The following PAPOLA variants were observed in gnomAD, a reference collection of about 807,000 sequenced individuals.
PAPOLA encodes the protein poly(A) polymerase alpha, also known as polynucleotide adenylyltransferase alpha.
In PAPOLA, 15 loss-of-function variants were observed where a neutral mutation model predicts 100.6. The observed-to-expected ratio is 0.15, with a 90% CI of 0.10 to 0.23. The LOEUF (loss-of-function observed/expected upper bound fraction) is 0.23. PAPOLA is among the 10% of genes least tolerant of loss of function. The probability of loss-of-function intolerance (pLI) is 1.00; values close to 1 mark genes in which losing one functional copy is unlikely to be tolerated. For missense variants in PAPOLA, 533 were observed against 884.2 expected, an observed-to-expected ratio of 0.60 and a Z score of 5.04; for synonymous variants, 293 against 300.0, an observed-to-expected ratio of 0.98 and a Z score of 0.24.
At chr14:96,553,079 TTTA>T (rs1208802003) in intron 17 of PAPOLA, 2 of 152,698 alleles carry the variant, frequency 1.3e-5, no homozygotes, top group East Asian at 1.9e-4. Flanking sequence ...ATTTTAAAAA[TTTA>T]TTATTATTTT....
chr14:96,527,160 C>T (rs1162681765), intron 4 of PAPOLA: 2 of 419,492 alleles, frequency 4.8e-6, no homozygotes, highest in Non-Finnish European at 8.5e-6. Context: ...TCCCTCTCCA[C>T]CATGAAAGTA....
chr14:96,544,704 G>A (rs1900248591), intron 15 of PAPOLA, among the ~76,000 whole-genome samples: 2 of 151,944 alleles, frequency 1.3e-5, no homozygotes, highest in Admixed American at 1.3e-4. Context: ...AACTTGACTT[G>A]CGCATAATTT....
intron 20 of PAPOLA, among the ~76,000 whole-genome samples, chr14:96,562,019 C>T (rs542625064): frequency 5.9e-5 from 9 of 151,712 alleles, no homozygotes; most frequent in Middle Eastern, 3.2e-3. Context: ...CTCAGCCTCC[C>T]GAGTAGTGGG....
At chr14:96,544,035 T>G in intron 14 of PAPOLA, 114 bp from the exon 15 acceptor site, 1 of 653,022 alleles carries the variant, frequency 1.5e-6, no homozygotes, top group Non-Finnish European at 2.7e-6. Context: ...TTAGAACTTT[T>G]AGTTTGCTCA....
chr14:96,558,618 A>G (rs1901556369), intron 19 of PAPOLA, among the ~76,000 whole-genome samples: 2 of 152,158 alleles, frequency 1.3e-5, no homozygotes, highest in Admixed American at 6.5e-5. Flanking sequence ...GAGTCATTTT[A>G]TGTACCTGTG....
chr14:96,535,558 C>T (rs1899446766), intron 10 of PAPOLA: 6 of 1,013,744 alleles, frequency 5.9e-6, no homozygotes, highest in Non-Finnish European at 5.9e-6. Flanking sequence ...GTATGTGCAT[C>T]CCCATTTCTG....
At chr14:96,520,311 C>T (rs760469998) in intron 2 of PAPOLA, 83 bp downstream of exon 2, 1 of 991,736 alleles carries the variant, frequency 1.0e-6, no homozygotes. Flanking sequence ...TCTCTACTTA[C>T]TTAGAAGACC....
At chr14:96,533,659 A>C (rs1430765364) in intron 9 of PAPOLA, 2 of 428,256 alleles carry the variant, frequency 4.7e-6, no homozygotes, top group African/African-American at 2.6e-5. Context: ...GATTCATGCT[A>C]TTCTCCTGCC....
chr14:96,525,349 AT>A lies in PAPOLA; in HGVS notation c.294del (p.Phe98LeufsTer8). ...TGTAATTGAAAATGTTGGAGGAAAA[AT>A]TTTTACATTTGGATCTTACAGATTA... is the stretch of plus-strand genomic sequence containing the variant. ...QSVIENVGGK[I>X]FTFGSYRLGV... On this transcript the variant is annotated frameshift_variant, in exon 4 of 22. Transcript: ENST00000216277. LOFTEE classifies it high-confidence loss of function. The A allele has an allele frequency of 1.3e-6, 2 of 1,521,416 alleles. No individual in the cohort carries two copies. Among genetic ancestry groups the A allele is most frequent in the Non-Finnish European group, 1.8e-6 (2 of 1,107,894 alleles). The allele number at this position is 1,521,416 out of a possible 1,614,324, so 94.2% of individuals were successfully genotyped here.
chr14:96,513,458 C>G (rs780822915), intron 1 of PAPOLA, among the ~76,000 whole-genome samples: 2 of 152,100 alleles, frequency 1.3e-5, no homozygotes, highest in Admixed American at 6.6e-5. Flanking sequence ...CAGTTTGAAC[C>G]TTCTGTCCTA....
chr14:96,506,306 A>G (rs1161453736), intron 1 of PAPOLA, among the ~76,000 whole-genome samples: 1 of 152,194 alleles, frequency 6.6e-6, no homozygotes, highest in East Asian at 1.9e-4. Flanking sequence ...TTGTTTATTT[A>G]ATGTACTGTG....
chr14:96,542,445 G>A, intron 13 of PAPOLA, 149 bp downstream of exon 13: 2 of 584,206 alleles, frequency 3.4e-6, no homozygotes, highest in Non-Finnish European at 6.1e-6. Context: ...TGTAGTGGAA[G>A]TACAGAAATC....
At chr14:96,539,690 TG>T (rs1405578278) in intron 12 of PAPOLA, among the ~76,000 whole-genome samples, 1 of 152,138 alleles carries the variant, frequency 6.6e-6, no homozygotes, top group East Asian at 1.9e-4. Flanking sequence ...GTTTTAAACA[TG>T]GCACTTGTAA....
intron 12 of PAPOLA, among the ~76,000 whole-genome samples, chr14:96,541,573 A>T (rs1899994485): frequency 6.6e-6 from 1 of 152,184 alleles, no homozygotes; most frequent in African/African-American, 2.4e-5. Flanking sequence ...TTATTTGATC[A>T]TGATGCTATT....
At chr14:96,523,652 A>G (rs961850263) in intron 3 of PAPOLA, among the ~76,000 whole-genome samples, 1 of 152,228 alleles carries the variant, frequency 6.6e-6, no homozygotes, top group African/African-American at 2.4e-5. Flanking sequence ...CTTTTAAGAA[A>G]TACAACATTA....
At chr14:96,558,312 C>T (rs1260069444) in intron 19 of PAPOLA, among the ~76,000 whole-genome samples, 9 of 152,166 alleles carry the variant, frequency 5.9e-5, no homozygotes, top group Non-Finnish European at 1.2e-4. Flanking sequence ...GTGTCAATTA[C>T]ACATTCAGAC....
In PAPOLA at chr14:96,542,259, C is replaced by G. The variant is rs1341314910; in HGVS notation, c.1132C>G (p.Leu378Val). The change falls in exon 13 of 22, where the codon CTA (leucine) becomes GTA (valine). Residue 378 changes from leucine to valine, a missense_variant. Physicochemically the swap from Leu to Val is conservative, Grantham distance 32 (BLOSUM62 1). Coordinates refer to ENST00000216277, the MANE Select transcript of PAPOLA (RefSeq NM_032632.5). ...TCTTCAAAGGCATTATATTGTACTT[C>G]TAGCAAGTGCACCAACAGAAAAACA... ...FQKYKHYIVL[L>V]ASAPTEKQRL... is the part of the protein sequence containing the mutation. 1 of 1,597,708 alleles carries G rather than the reference C, an allele frequency of 6.3e-7. No individual in the cohort carries two copies. Among genetic ancestry groups the G allele is most frequent in the South Asian group, 1.1e-5 (1 of 90,658 alleles).
intron 1 of PAPOLA, among the ~76,000 whole-genome samples, chr14:96,518,830 G>A (rs1470954756): frequency 1.3e-5 from 2 of 152,018 alleles, no homozygotes; most frequent in East Asian, 4.0e-4. Context: ...GCCAAAGGGA[G>A]CGGATCACTT....
At chr14:96,524,532 C>T (rs1219138938) in intron 3 of PAPOLA, among the ~76,000 whole-genome samples, 1 of 151,644 alleles carries the variant, frequency 6.6e-6, no homozygotes, top group Non-Finnish European at 1.5e-5. Flanking sequence ...CCTTCCCCTT[C>T]TCTTTTTTTG....
Sources: allele counts gnomAD v4.1 joint callset (sites outside exome capture counted in the v4.1 genomes callset), GRCh38; gene constraint gnomAD v4.1.1; transcripts MANE v1.5; gene names NCBI Gene and HGNC (gene_info 2026-07-23, HGNC 2026-07-21).